The following LSG1 variants were observed in gnomAD, a reference collection of about 807,000 sequenced individuals.
LSG1 encodes the protein large subunit GTPase 1 homolog.
A neutral mutation model predicts 82.6 loss-of-function variants in LSG1; 55 were observed. The ratio of observed to expected loss-of-function variants is 0.67; its 90% CI spans 0.54 to 0.83. The LOEUF is 0.83. Ranked by LOEUF, LSG1 falls within the 40% of genes least tolerant of loss-of-function variation. The pLI is 0.00. For synonymous variants in LSG1, 272 were observed against 282.5 expected (o/e 0.96, Z 0.37); for missense variants, 809 against 807.9 (o/e 1.00, Z -0.02).
intron 5 of LSG1, among the ~76,000 whole-genome samples, chr3:194,662,151 C>A (rs1390132171): frequency 6.6e-6 from 1 of 152,224 alleles, no homozygotes; most frequent in South Asian, 2.1e-4. Context: ...AAGAACGAGG[C>A]CCGCGCCCGT....
At position 194,652,590 on chromosome 3, in the gene LSG1, G is replaced by A. The variant is rs1044305174; in HGVS notation, c.1173+139C>T. 2.6e-5 allele frequency: 23 copies of A among 884,638 alleles called. 1 individual carries two copies. The South Asian group carries it at 3.2e-4, about 12-fold the overall frequency. 54.8% of individuals were successfully genotyped at this position (884,638 alleles called of 1,614,324 possible). ...TCTGTCTATCCCACTGCCTAATCCCGTGATGCCAGTGGGCAACAAGAGGGC... is the reference window on the plus strand; with the variant it reads ...TCTGTCTATCCCACTGCCTAATCCCATGATGCCAGTGGGCAACAAGAGGGC... On this transcript the variant is annotated intron_variant, in intron 8 of 13. Transcript: ENST00000265245.
intron 8 of LSG1, 102 bp from the exon 9 acceptor site, chr3:194,651,318 T>C (rs1293497405): frequency 1.4e-5 from 11 of 766,994 alleles, no homozygotes; most frequent in Non-Finnish European, 2.0e-5. Flanking sequence ...AGCATCTGGT[T>C]ACTTTAGAAA....
chr3:194,642,165 G>T lies in LSG1; in HGVS notation c.1880C>A (p.Ala627Glu), dbSNP rs370741277. 1 of 1,613,826 alleles carries T rather than the reference G, an allele frequency of 6.2e-7. No individual in the cohort carries two copies. The highest frequency in any genetic ancestry group is 8.5e-7 in the Non-Finnish European group (1 of 1,179,992). Residue 627 changes from alanine (A) to glutamate (E), a missense_variant, in exon 14 of 14, where the codon GCG becomes GAG. Coordinates refer to ENST00000265245, the MANE Select transcript of LSG1 (RefSeq NM_018385.3). The stretch of plus-strand genomic sequence containing the variant: ...CTTCCCCGCCCCGTTCTCAGAGCTC[G>T]CAGTGGATGCAGTCACTACACCACT... Reference protein sequence around the residue: ...PGSGVVTASTASSENGAGKPW... With the variant: ...PGSGVVTASTESSENGAGKPW...
chr3:194,642,261 G>A lies in LSG1; in HGVS notation c.1798-14C>T. On this transcript the variant is annotated splice_polypyrimidine_tract_variant and intron_variant, in intron 13 of 13. Transcript: ENST00000265245. ...CCTCACATTCTCCTAGGAAATAAGA[G>A]AAAACATTATCTGAGCTGTCAGCAG... is the stretch of plus-strand genomic sequence containing the variant. The A allele has an allele frequency of 3.1e-6, 5 of 1,608,626 alleles. No homozygotes were observed. Among genetic ancestry groups the A allele is most frequent in the Non-Finnish European group, 4.2e-6 (5 of 1,177,132 alleles).
chr3:194,666,667 C>T, intron 2 of LSG1, 95 bp from the exon 3 acceptor site: 1 of 998,122 alleles, frequency 1.0e-6, no homozygotes, highest in Non-Finnish European at 1.5e-6. Flanking sequence ...AAAATGAGAG[C>T]CTAAGAGAAC....
In LSG1 at chr3:194,641,027, T is replaced by G. The variant is rs1464929786; in HGVS notation, c.*1041A>C. On this transcript the variant is annotated 3_prime_UTR_variant, in exon 14 of 14. Transcript: ENST00000265245. ...CAGGAGAACAGCACTGAGCGGGTGG[T>G]GCTAAACCGTTCGTGAGGACTCTGC... 6.6e-6 allele frequency: 1 copy of G among 152,106 alleles called. No individual in the cohort carries two copies. Among genetic ancestry groups the G allele is most frequent in the Non-Finnish European group, 1.5e-5 (1 of 68,042 alleles). 9.4% of individuals were successfully genotyped at this position (152,106 alleles called of 1,614,324 possible). A position where few individuals can be genotyped will look rare whatever the true frequency, so the allele number is the denominator to read the frequency against.
intron 10 of LSG1, among the ~76,000 whole-genome samples, chr3:194,649,595 CAGG>C (rs1354799361): frequency 6.6e-6 from 1 of 151,538 alleles, no homozygotes; most frequent in Admixed American, 6.6e-5. Context: ...GAGGCTGAGG[CAGG>C]AGAATTGCTT....
Position 194,659,092 on chromosome 3 carries a change from G to A in LSG1, c.624C>T (p.Val208=), listed in dbSNP as rs767340519. The part of the protein sequence containing the change: ...VKEMDANKEN[V]ILINKADLLT... ...GCAAGTCTGCCTTGTTGATCAGAAT[G>A]ACGTTCTCCTTATTGGCATCCATTT... Residue 208 remains valine, a synonymous_variant, in exon 7 of 14, where the codon GTC becomes GTT. Coordinates refer to ENST00000265245, the MANE Select transcript of LSG1 (RefSeq NM_018385.3). The A allele has an allele frequency of 6.2e-7, 1 of 1,614,136 alleles. No individual in the cohort carries two copies. Among genetic ancestry groups the A allele is most frequent in the South Asian group, 1.1e-5 (1 of 91,068 alleles).
chr3:194,668,287 T>C (rs1719073883), intron 2 of LSG1, among the ~76,000 whole-genome samples: 1 of 152,160 alleles, frequency 6.6e-6, no homozygotes, highest in Non-Finnish European at 1.5e-5. Context: ...CTTTCGGGCA[T>C]ATACCCAGGA....
At chr3:194,644,316 T>G (rs1197811782) in intron 13 of LSG1, among the ~76,000 whole-genome samples, 2 of 145,322 alleles carry the variant, frequency 1.4e-5, no homozygotes, top group Non-Finnish European at 3.0e-5. Flanking sequence ...GAGCCAAGAT[T>G]GCGCCACTGC....
At chr3:194,646,924 T>G (rs1348995908) in intron 11 of LSG1, among the ~76,000 whole-genome samples, 1 of 152,240 alleles carries the variant, frequency 6.6e-6, no homozygotes, top group East Asian at 1.9e-4. Context: ...TCTTACTGAA[T>G]GATGTACCTA....
intron 1 of LSG1, among the ~76,000 whole-genome samples, chr3:194,670,718 T>C (rs1333853396): frequency 4.6e-5 from 7 of 152,258 alleles, no homozygotes; most frequent in South Asian, 4.1e-4. Flanking sequence ...GACCACTAAA[T>C]TGACTTCCAG....
intron 7 of LSG1, among the ~76,000 whole-genome samples, chr3:194,658,565 T>C (rs1718854660): frequency 1.3e-5 from 2 of 152,204 alleles, no homozygotes; most frequent in African/African-American, 4.8e-5. Flanking sequence ...AGTTTCTCTG[T>C]TTTCAAAACA....
At chr3:194,668,778 G>T (rs1675931) in intron 2 of LSG1, among the ~76,000 whole-genome samples, 98,080 of 152,052 alleles carry the variant, frequency 0.65, 32,392 homozygotes, top group East Asian at 0.87. Context: ...CTATTCACAA[G>T]AGCCAAGATA....
intron 1 of LSG1, among the ~76,000 whole-genome samples, chr3:194,671,524 C>G (rs1204159919): frequency 6.6e-6 from 1 of 152,076 alleles, no homozygotes; most frequent in Non-Finnish European, 1.5e-5. Context: ...CAAGCCAAAT[C>G]ACTTCATTCA....
chr3:194,645,583 C>CACACAGACAG lies in LSG1; in HGVS notation c.1623+580_1623+581insCTGTCTGTGT, dbSNP rs1560219874. ...ACACACACACACAGACAGACACACA[C>CACACAGACAG]ACACACACACACACACACACACACA... On this transcript the variant is annotated intron_variant, in intron 12 of 13. Transcript: ENST00000265245. Among the ~76,000 whole-genome samples, 120 of 68,384 alleles carry CACACAGACAG rather than the reference C, an allele frequency of 1.8e-3. 18 individuals are homozygous for CACACAGACAG. The Admixed American group carries it at 0.018, about 10-fold the overall frequency. The allele number at this position is 68,384 out of a possible 152,430, so 44.9% of individuals were successfully genotyped here. A position where few individuals can be genotyped will look rare whatever the true frequency, so the allele number is the denominator to read the frequency against.
chr3:194,659,440 C>T (rs1369520188), intron 6 of LSG1, among the ~76,000 whole-genome samples: 2 of 151,908 alleles, frequency 1.3e-5, no homozygotes, highest in Non-Finnish European at 2.9e-5. Flanking sequence ...CCCAGGAGTT[C>T]GAGACCAGCC....
intron 8 of LSG1, among the ~76,000 whole-genome samples, chr3:194,651,990 G>T (rs1623913): frequency 0.26 from 39,808 of 152,012 alleles, 5,761 homozygotes; most frequent in Middle Eastern, 0.37. Flanking sequence ...GGGGGTTGGG[G>T]CAGAGAGAAG....
intron 13 of LSG1, among the ~76,000 whole-genome samples, 196 bp downstream of exon 13, chr3:194,644,377 A>AT (rs1560218709): frequency 3.5e-5 from 3 of 85,974 alleles, no homozygotes; most frequent in African/African-American, 1.3e-4. Flanking sequence ...TCAAAAAAAA[A>AT]AAATAAAAAT....
Sources: allele counts gnomAD v4.1 joint callset (sites outside exome capture counted in the v4.1 genomes callset), GRCh38; gene constraint gnomAD v4.1.1; transcripts MANE v1.5; gene names NCBI Gene and HGNC (gene_info 2026-07-23, HGNC 2026-07-21).